Variants in ZNF676 observed in about 807,000 individuals in gnomAD.
The protein encoded by ZNF676 is zinc finger protein 676.
ZNF676 carries 4 observed loss-of-function variants against 6.0 expected under a neutral mutation model. That is an observed-to-expected ratio of 0.67 (90% CI 0.33 to 1.53). ZNF676 has a LOEUF of 1.53. ZNF676 is among the 40% of genes most tolerant of loss of function. The pLI is 0.06. For synonymous variants in ZNF676, 198 were observed against 223.1 expected, an observed-to-expected ratio of 0.89 and a Z score of 1.00; for missense variants, 644 against 679.7, an observed-to-expected ratio of 0.95 and a Z score of 0.58.
intron 2 of ZNF676, among the ~76,000 whole-genome samples, chr19:22,187,721 A>G (rs1568527792): frequency 6.6e-6 from 1 of 152,106 alleles, no homozygotes; most frequent in Non-Finnish European, 1.5e-5. Context: ...ACAAACTACC[A>G]TGAGAGAATA....
Position 22,207,994 on chromosome 19 carries a change from A to AC in ZNF676, c.3+7637_3+7638insG, listed in dbSNP as rs967376191. 7.3e-5 allele frequency among the ~76,000 whole-genome samples: 11 copies of AC among 151,598 alleles called. No individual in the cohort carries two copies. The East Asian group carries it at 1.2e-3, about 16-fold the overall frequency. On this transcript the variant is annotated intron_variant, in intron 1 of 3. Coordinates refer to the ZNF676 transcript ENST00000650058. The stretch of plus-strand genomic sequence containing the variant: ...AATCTTAAAAATTATAAAAAAAAAA[A>AC]AAACAAAAAACCCTGGAAGATAAGA...
the ZNF676 span, among the ~76,000 whole-genome samples, chr19:22,225,055 C>T: frequency 6.6e-6 from 1 of 152,060 alleles, no homozygotes; most frequent in Admixed American, 6.6e-5. Flanking sequence ...ATGCAAAAGG[C>T]TTCTAGAGGT....
chr19:22,208,901 A>G (rs1388881582), intron 1 of ZNF676, among the ~76,000 whole-genome samples: 1 of 152,184 alleles, frequency 6.6e-6, no homozygotes, highest in Non-Finnish European at 1.5e-5. Flanking sequence ...AGATCACACC[A>G]CTGCACTGCA....
the ZNF676 span, among the ~76,000 whole-genome samples, chr19:22,235,433 C>T: frequency 2.0e-5 from 3 of 152,172 alleles, no homozygotes; most frequent in Non-Finnish European, 2.9e-5. Context: ...GCCTCCAAAA[C>T]CCAAATAGGC....
At chr19:22,199,342 A>G (rs570067540), upstream of ZNF676, among the ~76,000 whole-genome samples, 23 of 152,352 alleles carry the variant, frequency 1.5e-4, no homozygotes, top group African/African-American at 4.1e-4. Context: ...TCTTCATCCT[A>G]AAGTATTATA....
the ZNF676 span, among the ~76,000 whole-genome samples, chr19:22,257,434 C>G: frequency 2.4e-4 from 36 of 152,212 alleles, no homozygotes; most frequent in Non-Finnish European, 4.0e-4. Context: ...AGAGGTGAGT[C>G]ACATCACTAA....
chr19:22,246,178 G>GA, the ZNF676 span, among the ~76,000 whole-genome samples: 1 of 151,950 alleles, frequency 6.6e-6, no homozygotes, highest in Non-Finnish European at 1.5e-5. Context: ...ATTAAAAAAA[G>GA]AAAAAAACAT....
At chr19:22,221,760 AC>A in the ZNF676 span, among the ~76,000 whole-genome samples, 1 of 147,376 alleles carries the variant, frequency 6.8e-6, no homozygotes, top group Non-Finnish European at 1.5e-5. Context: ...AAAAAAAAAA[AC>A]ATCAGACTTG....
At chr19:22,182,585 T>TTAAAAAAA (rs376894161) in intron 2 of ZNF676, among the ~76,000 whole-genome samples, 1 of 45,066 alleles carries the variant, frequency 2.2e-5, no homozygotes, top group African/African-American at 1.1e-4. Flanking sequence ...GTCAAAGTTC[T>TTAAAAAAA]AAAAAAAAAA....
chr19:22,243,851 C>T, the ZNF676 span: 3 of 152,194 alleles, frequency 2.0e-5, no homozygotes, highest in Non-Finnish European at 4.4e-5. Flanking sequence ...TGAACTGTGT[C>T]CACCTGTGAG....
chr19:22,251,082 C>T, the ZNF676 span, among the ~76,000 whole-genome samples: 1 of 152,086 alleles, frequency 6.6e-6, no homozygotes. Flanking sequence ...AGAAATTCAC[C>T]CAACTCACAG....
intron 1 of ZNF676, among the ~76,000 whole-genome samples, chr19:22,215,370 T>C (rs1421661461): frequency 6.6e-6 from 1 of 152,130 alleles, no homozygotes; most frequent in Non-Finnish European, 1.5e-5. Context: ...CCGTGCACAA[T>C]CTGGGAGAGA....
chr19:22,253,084 G>C, the ZNF676 span, among the ~76,000 whole-genome samples: 35,108 of 151,824 alleles, frequency 0.23, 4,305 homozygotes, highest in South Asian at 0.37. Context: ...TGTCCCTTTA[G>C]TGGAGTCAAA....
At chr19:22,184,890 C>T in intron 2 of ZNF676, among the ~76,000 whole-genome samples, 1 of 149,188 alleles carries the variant, frequency 6.7e-6, no homozygotes, top group African/African-American at 2.5e-5. Context: ...GTAAAAACAC[C>T]CATCTCCCTG....
upstream of ZNF676, among the ~76,000 whole-genome samples, chr19:22,216,833 G>C (rs186381888): frequency 1.2e-3 from 176 of 151,462 alleles, no homozygotes; most frequent in African/African-American, 4.0e-3. Flanking sequence ...CTATTCGGGG[G>C]CTAAAGTAGG....
the ZNF676 span, among the ~76,000 whole-genome samples, chr19:22,253,232 G>A: frequency 1.3e-5 from 2 of 151,138 alleles, no homozygotes; most frequent in Non-Finnish European, 3.0e-5. Flanking sequence ...GTGTTCATGT[G>A]GAAGAATGAC....
the ZNF676 span, among the ~76,000 whole-genome samples, chr19:22,220,994 A>G: frequency 1.3e-5 from 2 of 152,140 alleles, no homozygotes; most frequent in Non-Finnish European, 2.9e-5. Flanking sequence ...CTAATAGTCT[A>G]TCAGTTGGAT....
chr19:22,189,481 G>C (rs1292707873), intron 2 of ZNF676, among the ~76,000 whole-genome samples: 1 of 152,118 alleles, frequency 6.6e-6, no homozygotes, highest in Non-Finnish European at 1.5e-5. Flanking sequence ...ATGACTAAAA[G>C]AGCAAAAGCA....
Position 22,195,766 on chromosome 19 carries a change from A to G in ZNF676, c.34+834T>C, listed in dbSNP as rs750040175. On this transcript the variant is annotated intron_variant, in intron 1 of 2. Transcript: ENST00000397121. ...GTGTAACCAACGTAGAATATAACCA[A>G]AGCGAGTATCCATGGGACCTTGTGA... 2.6e-4 allele frequency among the ~76,000 whole-genome samples: 40 copies of G among 152,294 alleles called. 1 individual carries two copies. Among genetic ancestry groups the G allele is most frequent in the Non-Finnish European group, 4.9e-4 (33 of 68,018 alleles).
Sources: allele counts gnomAD v4.1 joint callset (sites outside exome capture counted in the v4.1 genomes callset), GRCh38; gene constraint gnomAD v4.1.1; transcripts MANE v1.5; gene names NCBI Gene and HGNC (gene_info 2026-07-23, HGNC 2026-07-21).